Variants in IL4R observed in about 807,000 individuals in gnomAD.
IL4R encodes the protein interleukin 4 receptor, also known as interleukin-4 receptor subunit alpha.
IL4R carries 17 observed loss-of-function variants against 41.5 expected under a neutral mutation model. That is an observed-to-expected ratio of 0.41 (90% CI 0.28 to 0.61). The LOEUF (loss-of-function observed/expected upper bound fraction) is 0.61, where lower values mean the gene tolerates loss of function less well. Ranked by LOEUF, IL4R falls within the 20% of genes least tolerant of loss-of-function variation. The probability of loss-of-function intolerance (pLI) is 0.31; values close to 1 mark genes in which losing one functional copy is unlikely to be tolerated. For missense variants in IL4R, 974 were observed against 1,043.1 expected, an observed-to-expected ratio of 0.93 and a Z score of 0.91; for synonymous variants, 402 against 422.9, an observed-to-expected ratio of 0.95 and a Z score of 0.61.
intron 1 of IL4R, chr16:27,315,345 C>G (rs1336675892): frequency 6.6e-6 from 1 of 152,374 alleles, no homozygotes; most frequent in Non-Finnish European, 1.5e-5. Context: ...TGCTAAGCCA[C>G]TCATTCACTC....
chr16:27,352,550 A>G lies in IL4R; in HGVS notation c.524A>G (p.Tyr175Cys), dbSNP rs1321006685. ...CCTTTTCTCTACCAGTTCAGAATCTATAACGTGACCTACCTAGAACCCTCC... is the reference window on the plus strand; with the variant it reads ...CCTTTTCTCTACCAGTTCAGAATCTGTAACGTGACCTACCTAGAACCCTCC... ...SENDPADFRIYNVTYLEPSLR... is the reference protein window; with the variant it reads ...SENDPADFRICNVTYLEPSLR... Residue 175 changes from tyrosine (Y) to cysteine (C), a missense_variant, in exon 7 of 11, where the codon TAT becomes TGT. This residue lies in a region of IL4R where 284 missense variants were observed against 313.4 expected (regional missense o/e 0.91). Coordinates refer to ENST00000395762, the MANE Select transcript of IL4R (RefSeq NM_000418.4). The G allele has an allele frequency of 1.9e-6, 3 of 1,614,036 alleles. No individual in the cohort carries two copies. The highest frequency in any genetic ancestry group is 1.3e-5 in the African/African-American group (1 of 74,936).
In IL4R at chr16:27,340,169, T is replaced by G. The variant is rs756589909; in HGVS notation, c.-18-17T>G. The G allele has an allele frequency of 6.3e-7, 1 of 1,589,156 alleles. No individual in the cohort carries two copies. Among genetic ancestry groups the G allele is most frequent in the Non-Finnish European group, 8.6e-7 (1 of 1,159,884 alleles). On this transcript the variant is annotated splice_polypyrimidine_tract_variant and intron_variant, in intron 2 of 10. Transcript: ENST00000395762. ...GAAGCACAGGTCAGCACTAACCTGC[T>G]TCCTCTCTCTCTGCAGGTGCCTTGG...
At chr16:27,339,090 G>T (rs912422819) in intron 2 of IL4R, among the ~76,000 whole-genome samples, 3 of 151,960 alleles carry the variant, frequency 2.0e-5, no homozygotes, top group Non-Finnish European at 4.4e-5. Context: ...CCTGACCTCA[G>T]GTGATCCACC....
chr16:27,354,896 C>T (rs2086006700), intron 7 of IL4R: 4 of 403,072 alleles, frequency 9.9e-6, no homozygotes, highest in South Asian at 1.8e-5. Context: ...ATCTCCAGAA[C>T]CCAGCACAGA....
chr16:27,363,424 A>C lies in IL4R; in HGVS notation c.2072A>C (p.Lys691Thr), dbSNP rs761173931. 6.2e-7 allele frequency: 1 copy of C among 1,614,082 alleles called. No homozygotes were observed. Among genetic ancestry groups the C allele is most frequent in the Non-Finnish European group, 8.5e-7 (1 of 1,179,992 alleles). Residue 691 changes from lysine (K) to threonine (T), a missense_variant, in exon 11 of 11, where the codon AAG becomes ACG. Lys to Thr is a moderately conservative substitution (Grantham distance 78, BLOSUM62 -1). Transcript: ENST00000395762. ...EPGEKVEDMP[K>T]PPLPQEQATD... ...GGGGAAAAGGTAGAGGACATGCCAA[A>C]GCCCCCACTTCCCCAGGAGCAGGCC...
Position 27,342,225 on chromosome 16 carries a change from C to A in IL4R, c.175C>A (p.Arg59Ser), listed in dbSNP as rs191774649. ...NGPTNCSTEL[R>S]LLYQLVFLLS... ...TCCCACCAATTGCAGCACCGAGCTC[C>A]GCCTGTTGTACCAGCTGGTTTTTCT... Residue 59 changes from arginine (R) to serine (S), a missense_variant, in exon 4 of 11, where the codon CGC becomes AGC. Arg to Ser is a moderately radical substitution (Grantham distance 110). Around this residue, in one of 3 missense-constraint regions of IL4R, gnomAD observed 284 missense variants for 313.4 expected, o/e 0.91. Coordinates refer to ENST00000395762, the MANE Select transcript of IL4R (RefSeq NM_000418.4). The A allele has an allele frequency of 1.2e-6, 2 of 1,614,088 alleles. No individual in the cohort carries two copies. Among genetic ancestry groups the A allele is most frequent in the African/African-American group, 2.7e-5 (2 of 74,930 alleles).
intron 2 of IL4R, among the ~76,000 whole-genome samples, chr16:27,337,607 T>A (rs895751292): frequency 1.1e-4 from 17 of 149,760 alleles, no homozygotes; most frequent in Admixed American, 9.4e-4. Context: ...TGCAACAGGG[T>A]CTCACTGTGT....
chr16:27,355,955 G>T (rs2086059378), intron 8 of IL4R, 48 bp downstream of exon 8: 3 of 1,365,538 alleles, frequency 2.2e-6, no homozygotes, highest in Non-Finnish European at 3.1e-6. Flanking sequence ...GGAGTGCAGG[G>T]TGGCAGGGAC....
At chr16:27,339,672 C>A (rs142877361) in intron 2 of IL4R, among the ~76,000 whole-genome samples, 1 of 152,202 alleles carries the variant, frequency 6.6e-6, no homozygotes, top group East Asian at 1.9e-4. Context: ...TGTAGCTCAC[C>A]CTCTGGACTT....
chr16:27,337,551 G>T (rs886887086), intron 2 of IL4R, among the ~76,000 whole-genome samples: 1 of 151,648 alleles, frequency 6.6e-6, no homozygotes. Context: ...AACCCAGCGC[G>T]TGCTGTTTTC....
intron 2 of IL4R, among the ~76,000 whole-genome samples, chr16:27,333,867 A>T (rs2085179436): frequency 6.8e-6 from 1 of 146,814 alleles, no homozygotes; most frequent in Non-Finnish European, 1.5e-5. Context: ...ACCCCTTCCA[A>T]CTCCACCACT....
chr16:27,330,563 T>A (rs1392117537), intron 2 of IL4R, among the ~76,000 whole-genome samples: 1 of 152,076 alleles, frequency 6.6e-6, no homozygotes, highest in Non-Finnish European at 1.5e-5. Flanking sequence ...TGTACTCATT[T>A]TTGTGTTTGC....
intron 1 of IL4R, among the ~76,000 whole-genome samples, chr16:27,325,098 G>C (rs898981345): frequency 6.6e-6 from 1 of 152,150 alleles, no homozygotes; most frequent in African/African-American, 2.4e-5. Flanking sequence ...GCCATGGCTT[G>C]GCAGACGGTG....
intron 4 of IL4R, among the ~76,000 whole-genome samples, chr16:27,344,649 C>T (rs1456071409): frequency 6.6e-6 from 1 of 152,220 alleles, no homozygotes; most frequent in African/African-American, 2.4e-5. Context: ...GAGGAGCATC[C>T]TTGGTGCATG....
intron 8 of IL4R, among the ~76,000 whole-genome samples, chr16:27,358,364 C>G (rs189131406): frequency 2.0e-5 from 3 of 152,314 alleles, no homozygotes; most frequent in African/African-American, 4.8e-5. Flanking sequence ...AAACCATGGG[C>G]AGAGGCTAAT....
intron 1 of IL4R, among the ~76,000 whole-genome samples, chr16:27,326,461 T>C (rs1046206115): frequency 6.6e-6 from 1 of 151,962 alleles, no homozygotes; most frequent in African/African-American, 2.4e-5. Flanking sequence ...GATTGTGCCA[T>C]AGCACTCCAG....
Position 27,363,171 on chromosome 16 carries a change from T to C in IL4R, c.1819T>C (p.Ser607Pro), listed in dbSNP as rs1283343301. ...PPGEAGYKAF[S>P]SLLASSAVSP... ...AGGAGAGGCTGGTTACAAGGCCTTCTCAAGCCTGCTTGCCAGCAGTGCTGT... is the reference window on the plus strand; with the variant it reads ...AGGAGAGGCTGGTTACAAGGCCTTCCCAAGCCTGCTTGCCAGCAGTGCTGT... Residue 607 changes from serine to proline, a missense_variant, in exon 11 of 11, where the codon TCA becomes CCA. Physicochemically the swap from Ser to Pro is moderately conservative, Grantham distance 74. Transcript: ENST00000395762. 2 of 1,612,054 alleles carry C rather than the reference T, an allele frequency of 1.2e-6. No individual in the cohort carries two copies. The highest frequency in any genetic ancestry group is 4.5e-5 in the East Asian group (2 of 44,844).
chr16:27,332,363 A>G (rs2085134831), intron 2 of IL4R, among the ~76,000 whole-genome samples: 1 of 152,052 alleles, frequency 6.6e-6, no homozygotes, highest in Non-Finnish European at 1.5e-5. Context: ...AGCCCTTTAT[A>G]AAACCATCAG....
intron 7 of IL4R, 81 bp downstream of exon 7, chr16:27,352,777 C>CT: frequency 7.0e-7 from 1 of 1,427,424 alleles, no homozygotes; most frequent in South Asian, 1.2e-5. Flanking sequence ...CTGGCTGAGT[C>CT]TCTGGGCTTT....
Sources: gnomAD v4.1 joint callset for allele counts (sites outside exome capture counted in the v4.1 genomes callset) on GRCh38, gnomAD v4.1.1 for gene constraint, gnomAD v4.1.1 regional missense constraint, MANE v1.5 for transcripts, NCBI Gene and HGNC (gene_info 2026-07-23, HGNC 2026-07-21) for gene names.